Variants in ERI1 observed in about 807,000 individuals in gnomAD.
The protein encoded by ERI1 is 3'-5' exoribonuclease 1.
Under a neutral mutation model 39.7 loss-of-function variants are expected in ERI1, and 39 were observed. The ratio of observed to expected loss-of-function variants is 0.98; its 90% CI spans 0.76 to 1.28. The LOEUF is 1.28. Among genes scored for constraint, ERI1 ranks in the 50% most tolerant of loss-of-function variants. The pLI, the probability that ERI1 is intolerant of heterozygous loss-of-function variation, is 0.00. For synonymous variants in ERI1, 204 were observed against 149.6 expected (o/e 1.36, Z -2.65); for missense variants, 581 against 416.9 (o/e 1.39, Z -3.43).
chr8:9,044,018 T>G (rs1483185615), intron 3 of ERI1, among the ~76,000 whole-genome samples: 1 of 152,122 alleles, frequency 6.6e-6, no homozygotes, highest in Non-Finnish European at 1.5e-5. Context: ...AGATCTTGGT[T>G]CTGAGACTTA....
At chr8:9,056,461 C>T (rs938700278) in intron 3 of ERI1, among the ~76,000 whole-genome samples, 5 of 152,140 alleles carry the variant, frequency 3.3e-5, no homozygotes, top group Admixed American at 3.3e-4. Context: ...TTCTTATGGC[C>T]AGTCATGCAG....
At chr8:9,089,932 A>G (rs1799652120) in intron 3 of ERI1, among the ~76,000 whole-genome samples, 1 of 151,952 alleles carries the variant, frequency 6.6e-6, no homozygotes, top group African/African-American at 2.4e-5. Flanking sequence ...CCCTGAAATT[A>G]TCCAAGAGAA....
chr8:9,090,453 C>G (rs758664703), intron 3 of ERI1, among the ~76,000 whole-genome samples: 1 of 152,136 alleles, frequency 6.6e-6, no homozygotes, highest in Non-Finnish European at 1.5e-5. Flanking sequence ...GGTACTTACT[C>G]TAGCTTATTG....
intron 3 of ERI1, among the ~76,000 whole-genome samples, chr8:9,067,530 C>G (rs773873474): frequency 6.6e-6 from 1 of 151,712 alleles, no homozygotes; most frequent in African/African-American, 2.4e-5. Flanking sequence ...TGGCATACAC[C>G]TATTGTCCTA....
chr8:9,019,967 G>T (rs1563324407), intron 5 of ERI1, among the ~76,000 whole-genome samples: 1 of 152,138 alleles, frequency 6.6e-6, no homozygotes. Context: ...TTTGATACCA[G>T]CTGCTTTTGT....
chr8:9,017,081 C>G (rs1321088050), intron 4 of ERI1, among the ~76,000 whole-genome samples: 1 of 151,940 alleles, frequency 6.6e-6, no homozygotes, highest in African/African-American at 2.4e-5. Context: ...ACTCTGTTGC[C>G]CAGGCTGGAG....
chr8:9,003,739 G>C (rs9987276), intron 1 of ERI1, among the ~76,000 whole-genome samples: 48,461 of 152,134 alleles, frequency 0.32, 8,352 homozygotes, highest in African/African-American at 0.43. Context: ...CAGTGGCAAA[G>C]TTGTAGAACA....
chr8:9,025,100 T>C (rs1818329787), intron 6 of ERI1, among the ~76,000 whole-genome samples: 1 of 152,198 alleles, frequency 6.6e-6, no homozygotes, highest in African/African-American at 2.4e-5. Flanking sequence ...CCTATAAAGC[T>C]CTTTTCTTGA....
At chr8:9,079,273 A>T (rs1040671962) in intron 3 of ERI1, among the ~76,000 whole-genome samples, 1 of 152,232 alleles carries the variant, frequency 6.6e-6, no homozygotes, top group Non-Finnish European at 1.5e-5. Flanking sequence ...TGAAGCACTG[A>T]AGGCAAGGGT....
At chr8:9,017,646 A>G (rs1817450003) in intron 4 of ERI1, among the ~76,000 whole-genome samples, 1 of 152,194 alleles carries the variant, frequency 6.6e-6, no homozygotes, top group Admixed American at 6.5e-5. Flanking sequence ...GGGCTGAGTC[A>G]TGAAAGATAG....
chr8:9,053,045 C>CCAAGAG (rs1554525412), intron 3 of ERI1, among the ~76,000 whole-genome samples: 1 of 152,132 alleles, frequency 6.6e-6, no homozygotes, highest in Non-Finnish European at 1.5e-5. Flanking sequence ...GAGACGGAGT[C>CCAAGAG]TTGCTCTGTC....
chr8:9,081,271 C>T (rs1372799597), intron 3 of ERI1, among the ~76,000 whole-genome samples: 1 of 152,172 alleles, frequency 6.6e-6, no homozygotes, highest in Non-Finnish European at 1.5e-5. Flanking sequence ...GGTGGGGACA[C>T]AGAGCCAAAC....
intron 6 of ERI1, among the ~76,000 whole-genome samples, chr8:9,027,412 C>G (rs761297164): frequency 6.6e-6 from 1 of 152,024 alleles, no homozygotes; most frequent in Non-Finnish European, 1.5e-5. Flanking sequence ...TATATACTTG[C>G]AAATGTATCT....
chr8:9,089,960 G>A (rs1216102731), intron 3 of ERI1, among the ~76,000 whole-genome samples: 1 of 152,128 alleles, frequency 6.6e-6, no homozygotes, highest in Non-Finnish European at 1.5e-5. Context: ...TGACTCGACC[G>A]TTGGCAAAGA....
intron 1 of ERI1, chr8:9,004,297 G>A (rs1269769972): frequency 8.9e-7 from 1 of 1,127,832 alleles, no homozygotes; most frequent in Non-Finnish European, 1.1e-6. Flanking sequence ...ATCTCATCCT[G>A]TAAGTGGGTT....
chr8:9,066,773 C>T (rs767389565), intron 3 of ERI1, among the ~76,000 whole-genome samples: 10 of 151,740 alleles, frequency 6.6e-5, no homozygotes, highest in African/African-American at 1.9e-4. Flanking sequence ...ATGTGACAGG[C>T]GGGTGAGTTG....
intron 3 of ERI1, among the ~76,000 whole-genome samples, chr8:9,092,626 A>AGCTGAGAGC (rs1210322622): frequency 6.6e-6 from 1 of 152,218 alleles, no homozygotes; most frequent in Non-Finnish European, 1.5e-5. Flanking sequence ...GACGGCTGTG[A>AGCTGAGAGC]GCTGAGAGCG....
Position 9,030,254 on chromosome 8 carries a change from C to T in ERI1, c.*220C>T. ...CTTTTGATATGAACAGTATTCGTTACATAGTAACAGTTCCTGCTTACAACT... is the reference window on the plus strand; with the variant it reads ...CTTTTGATATGAACAGTATTCGTTATATAGTAACAGTTCCTGCTTACAACT... On this transcript the variant is annotated 3_prime_UTR_variant, in exon 7 of 7. Transcript: ENST00000250263. 2 of 554,762 alleles carry T rather than the reference C, an allele frequency of 3.6e-6. No homozygotes were observed. The highest frequency in any genetic ancestry group is 6.3e-6 in the Non-Finnish European group (2 of 317,570). The allele number at this position is 554,762 out of a possible 1,614,324, so 34.4% of individuals were successfully genotyped here.
At chr8:9,045,671 AT>A (rs1448185922) in intron 3 of ERI1, among the ~76,000 whole-genome samples, 17 of 148,112 alleles carry the variant, frequency 1.1e-4, no homozygotes, top group African/African-American at 4.4e-4. Flanking sequence ...ATCAGAATCT[AT>A]AGAATTTTTT....
Sources: allele counts gnomAD v4.1 joint callset (sites outside exome capture counted in the v4.1 genomes callset), GRCh38; gene constraint gnomAD v4.1.1; transcripts MANE v1.5; gene names NCBI Gene and HGNC (gene_info 2026-07-23, HGNC 2026-07-21).